The following TCF20 variants were observed in gnomAD, a reference collection of about 807,000 sequenced individuals.
TCF20 encodes the protein SPRE-binding protein.
Under a neutral mutation model 148.6 loss-of-function variants are expected in TCF20, and 3 were observed. The observed-to-expected ratio is 0.02, with a 90% CI of 0.01 to 0.05. TCF20 has a LOEUF of 0.05. TCF20 is among the 10% of genes least tolerant of loss of function. The pLI is 1.00. For synonymous variants in TCF20, 1,049 were observed against 909.5 expected (o/e 1.15, Z -2.76); for missense variants, 2,350 against 2,429.3 (o/e 0.97, Z 0.69).
intron 1 of TCF20, among the ~76,000 whole-genome samples, chr22:42,341,312 G>A (rs920927634): frequency 2.0e-5 from 3 of 152,164 alleles, no homozygotes; most frequent in Non-Finnish European, 4.4e-5. Context: ...ATAGTTCCAC[G>A]GGGAGCCCTG....
At chr22:42,250,813 A>T (rs1032865634) in intron 1 of TCF20, among the ~76,000 whole-genome samples, 2 of 152,232 alleles carry the variant, frequency 1.3e-5, no homozygotes, top group East Asian at 3.8e-4. Flanking sequence ...CAGGCTGTAC[A>T]GGAGGCATAG....
intron 1 of TCF20, among the ~76,000 whole-genome samples, chr22:42,339,867 G>C (rs750864410): frequency 6.6e-6 from 1 of 152,236 alleles, no homozygotes; most frequent in South Asian, 2.1e-4. Context: ...TCAGGTATCC[G>C]GTGGGGCCCA....
intron 3 of TCF20, among the ~76,000 whole-genome samples, chr22:42,178,739 C>A (rs2147090843): frequency 6.6e-6 from 1 of 151,820 alleles, no homozygotes; most frequent in Middle Eastern, 3.4e-3. Flanking sequence ...CGCGTCACAT[C>A]TGGCTAATTT....
rs1315119102 is a variant in TCF20 at position 42,338,567 on chromosome 22, G to A, written c.-37+4912C>T. On this transcript the variant is annotated intron_variant, in intron 1 of 1. Coordinates refer to the TCF20 transcript ENST00000515426. This position sits in a 1 kb window ranked among gnomAD's most constrained non-coding sequence, Gnocchi z 4.0. ...ATTACCGAGGAGGCCCGGGAGGGAG[G>A]CGGGGAGGCTGGCGAGAGGCTTAAT... Among the ~76,000 whole-genome samples the A allele has an allele frequency of 6.6e-6, 1 of 152,242 alleles. No individual in the cohort carries two copies. Among genetic ancestry groups the A allele is most frequent in the East Asian group, 1.9e-4 (1 of 5,194 alleles).
At chr22:42,172,182 A>G (rs1936171182) in intron 3 of TCF20, among the ~76,000 whole-genome samples, 1 of 152,192 alleles carries the variant, frequency 6.6e-6, no homozygotes, top group South Asian at 2.1e-4. Context: ...GTTCTCATAC[A>G]TGTCCACAGG....
intron 1 of TCF20, among the ~76,000 whole-genome samples, chr22:42,255,712 A>G (rs1043729851): frequency 6.6e-6 from 1 of 152,124 alleles, no homozygotes; most frequent in Admixed American, 6.5e-5. Context: ...TCAGAACAGT[A>G]AGAGGCCAAG....
At chr22:42,177,345 G>A (rs1936512549) in intron 3 of TCF20, among the ~76,000 whole-genome samples, 1 of 152,204 alleles carries the variant, frequency 6.6e-6, no homozygotes, top group African/African-American at 2.4e-5. Context: ...AATCTGGGAG[G>A]CAGAGGTTGC....
intron 1 of TCF20, among the ~76,000 whole-genome samples, chr22:42,340,821 A>G (rs996377270): frequency 6.8e-6 from 1 of 146,344 alleles, no homozygotes; most frequent in Non-Finnish European, 1.5e-5. Context: ...TTCCCCATCA[A>G]CGCAATAAAG....
intron 1 of TCF20, among the ~76,000 whole-genome samples, chr22:42,252,081 G>T (rs987683967): frequency 9.3e-5 from 14 of 150,786 alleles, no homozygotes; most frequent in African/African-American, 2.9e-4. Context: ...ACCAGCCTGG[G>T]CAACATGGCG....
intron 1 of TCF20, among the ~76,000 whole-genome samples, chr22:42,310,677 C>T (rs1272838012): frequency 6.6e-6 from 1 of 151,334 alleles, no homozygotes; most frequent in Non-Finnish European, 1.5e-5. Flanking sequence ...GAGACAGGGC[C>T]TGTGGTGGAC....
chr22:42,304,406 G>A (rs1006795843), intron 1 of TCF20, among the ~76,000 whole-genome samples: 1 of 152,100 alleles, frequency 6.6e-6, no homozygotes, highest in South Asian at 2.1e-4. Flanking sequence ...GCATGCTGGG[G>A]GTGTTGGGAG....
intron 1 of TCF20, among the ~76,000 whole-genome samples, chr22:42,303,700 C>T (rs889503854): frequency 3.9e-5 from 6 of 152,142 alleles, no homozygotes; most frequent in Admixed American, 2.6e-4. Context: ...GGGACCCTTG[C>T]GGATTAGAGG....
intron 4 of TCF20, 130 bp downstream of exon 4, chr22:42,169,717 G>A: frequency 1.1e-6 from 1 of 876,672 alleles, no homozygotes; most frequent in Non-Finnish European, 1.8e-6. Flanking sequence ...GGCCAGGAGG[G>A]GACTAACAGC....
intron 1 of TCF20, among the ~76,000 whole-genome samples, chr22:42,329,533 C>T (rs1927933267): frequency 6.6e-6 from 1 of 152,206 alleles, no homozygotes; most frequent in African/African-American, 2.4e-5. Context: ...AGAACGTGGG[C>T]TTTGTGCAGT....
At chr22:42,247,552 G>A (rs1925026963) in intron 1 of TCF20, among the ~76,000 whole-genome samples, 1 of 152,110 alleles carries the variant, frequency 6.6e-6, no homozygotes, top group Non-Finnish European at 1.5e-5. Context: ...TACAACTGGG[G>A]AAACCAGGAG....
intron 1 of TCF20, among the ~76,000 whole-genome samples, chr22:42,335,776 C>A (rs1363734188): frequency 6.6e-6 from 1 of 152,100 alleles, no homozygotes; most frequent in Non-Finnish European, 1.5e-5. Flanking sequence ...AGTAGGGTGG[C>A]AAGGGGGTGA....
At chr22:42,283,795 G>C (rs1926966976) in intron 1 of TCF20, among the ~76,000 whole-genome samples, 1 of 152,020 alleles carries the variant, frequency 6.6e-6, no homozygotes, top group African/African-American at 2.4e-5. Context: ...AAACTTTCAC[G>C]ACCGCGGGAG....
intron 1 of TCF20, among the ~76,000 whole-genome samples, chr22:42,296,063 G>C (rs1229432297): frequency 6.6e-6 from 1 of 152,232 alleles, no homozygotes; most frequent in Non-Finnish European, 1.5e-5. Context: ...TCCGTAAAAT[G>C]GGGGTAAGAA....
rs748467177 is a variant in TCF20 at position 42,215,012 on chromosome 22, G to A, written c.294C>T (p.Pro98=). The A allele has an allele frequency of 2.7e-5, 44 of 1,614,076 alleles. No homozygotes were observed. The highest frequency in any genetic ancestry group is 1.7e-4 in the African/African-American group (13 of 74,918). ...GAGGCTGTGGGGTTCCTGTAGTCACGGGGTCTTTGTTGCCTGCCATGTAGT... is the reference window on the plus strand; with the variant it reads ...GAGGCTGTGGGGTTCCTGTAGTCACAGGGTCTTTGTTGCCTGCCATGTAGT... ...DFYYMAGNKD[P]VTTGTPQPPQ... The change falls in exon 2 of 6, where the codon CCC becomes CCT. Residue 98 remains proline, a synonymous_variant. Transcript: ENST00000677622.
Sources: gnomAD v4.1 joint callset for allele counts (sites outside exome capture counted in the v4.1 genomes callset) on GRCh38, gnomAD v4.1.1 for gene constraint, Gnocchi (gnomAD v3.1) non-coding constraint, MANE v1.5 for transcripts, NCBI Gene and HGNC (gene_info 2026-07-23, HGNC 2026-07-21) for gene names.